The following FAM107B variants were observed in gnomAD, a reference collection of about 807,000 sequenced individuals.
FAM107B encodes the protein family with sequence similarity 107 member B.
FAM107B carries 21 observed loss-of-function variants against 31.5 expected under a neutral mutation model. The observed-to-expected ratio is 0.67, with a 90% CI of 0.47 to 0.96. FAM107B has a LOEUF of 0.96. FAM107B is among the 40% of genes least tolerant of loss of function. The pLI is 0.00. For synonymous variants in FAM107B, 157 were observed against 141.5 expected, an observed-to-expected ratio of 1.11 and a Z score of -0.78; for missense variants, 452 against 377.1, an observed-to-expected ratio of 1.20 and a Z score of -1.64.
At chr10:14,562,983 G>A (rs1158899896) in intron 2 of FAM107B, among the ~76,000 whole-genome samples, 1 of 152,334 alleles carries the variant, frequency 6.6e-6, no homozygotes, top group East Asian at 1.9e-4. Context: ...ACATGTGAAA[G>A]TTTAATTTAT....
chr10:14,527,083 C>G (rs1036225469), intron 3 of FAM107B, among the ~76,000 whole-genome samples: 1 of 151,676 alleles, frequency 6.6e-6, no homozygotes, highest in African/African-American at 2.4e-5. Context: ...GTGATCCACC[C>G]GCCTCGGCCT....
intron 1 of FAM107B, among the ~76,000 whole-genome samples, chr10:14,699,247 T>C (rs1456224126): frequency 6.6e-6 from 1 of 152,150 alleles, no homozygotes; most frequent in Non-Finnish European, 1.5e-5. Flanking sequence ...GAGATATAGA[T>C]ATTTTGATGG....
chr10:14,694,584 T>C (rs1007094783), intron 1 of FAM107B, among the ~76,000 whole-genome samples: 1 of 152,178 alleles, frequency 6.6e-6, no homozygotes, highest in African/African-American at 2.4e-5. Flanking sequence ...AGTTTCTCCA[T>C]GTTGGTCAGG....
At chr10:14,530,183 G>A (rs577313559) in intron 3 of FAM107B, 149 bp downstream of exon 3, 90 of 880,518 alleles carry the variant, frequency 1.0e-4, no homozygotes, top group Non-Finnish European at 1.4e-4. Flanking sequence ...GGGGTAACCC[G>A]GTTCTAGGAT....
At chr10:14,592,818 G>A (rs1852064425) in intron 2 of FAM107B, among the ~76,000 whole-genome samples, 2 of 152,188 alleles carry the variant, frequency 1.3e-5, no homozygotes, top group African/African-American at 2.4e-5. Flanking sequence ...GACATGCACC[G>A]TCCAGCCAGG....
chr10:14,627,815 A>G (rs529752381), intron 2 of FAM107B, among the ~76,000 whole-genome samples: 29 of 152,260 alleles, frequency 1.9e-4, no homozygotes, highest in African/African-American at 7.0e-4. Flanking sequence ...AGCATTTAAC[A>G]GATTGGTTGA....
At chr10:14,678,349 C>G (rs1465621138) in intron 1 of FAM107B, among the ~76,000 whole-genome samples, 2 of 152,154 alleles carry the variant, frequency 1.3e-5, no homozygotes, top group African/African-American at 4.8e-5. Flanking sequence ...CCATTGAACA[C>G]TAAGAAGAGG....
chr10:14,754,621 A>G lies in FAM107B; in HGVS notation c.411+19632T>C, dbSNP rs1832893059. ...TTCTAAAGGGAGCTGACATCGTGAA[A>G]AGCAGAGGCCACGTGGAAGGAGCTG... On this transcript the variant is annotated intron_variant, in intron 1 of 4. Coordinates refer to ENST00000181796, the MANE Select transcript of FAM107B (RefSeq NM_031453.4). 3.3e-5 allele frequency among the ~76,000 whole-genome samples: 5 copies of G among 152,286 alleles called. No homozygotes were observed. The South Asian group carries it at 1.0e-3, about 32-fold the overall frequency.
intron 2 of FAM107B, among the ~76,000 whole-genome samples, chr10:14,579,820 G>A (rs56014805): frequency 0.16 from 24,070 of 151,792 alleles, 2,322 homozygotes; most frequent in Middle Eastern, 0.28. Flanking sequence ...TCAGGAGTTC[G>A]AGACCAGCCT....
At chr10:14,686,398 A>C (rs1278935229) in intron 1 of FAM107B, among the ~76,000 whole-genome samples, 1 of 151,926 alleles carries the variant, frequency 6.6e-6, no homozygotes, top group Admixed American at 6.6e-5. Flanking sequence ...GTCTCAAAAA[A>C]AAAAAAAAAA....
intron 2 of FAM107B, among the ~76,000 whole-genome samples, chr10:14,537,365 C>A (rs1847727373): frequency 6.6e-6 from 1 of 152,190 alleles, no homozygotes; most frequent in South Asian, 2.1e-4. Context: ...TCATGACTTC[C>A]CAGTCTCCAA....
chr10:14,603,637 A>G (rs1852477480), intron 2 of FAM107B, among the ~76,000 whole-genome samples: 1 of 152,174 alleles, frequency 6.6e-6, no homozygotes, highest in African/African-American at 2.4e-5. Context: ...CGGAACCCAA[A>G]TTGAATTAGG....
chr10:14,621,766 G>A (rs895898148), intron 2 of FAM107B, among the ~76,000 whole-genome samples: 1 of 152,038 alleles, frequency 6.6e-6, no homozygotes, highest in Non-Finnish European at 1.5e-5. Flanking sequence ...GCCGATGTGG[G>A]GTGGCACCAG....
At chr10:14,594,180 TA>T (rs1852106387) in intron 2 of FAM107B, among the ~76,000 whole-genome samples, 1 of 152,134 alleles carries the variant, frequency 6.6e-6, no homozygotes. Context: ...CTCCATACGG[TA>T]ATGCCAAAAT....
chr10:14,543,564 ACTGTGTC>A (rs1246942497), intron 2 of FAM107B, among the ~76,000 whole-genome samples: 1 of 152,050 alleles, frequency 6.6e-6, no homozygotes, highest in East Asian at 1.9e-4. Flanking sequence ...TCTCAGCTGC[ACTGTGTC>A]CTTCCTGTTT....
intron 2 of FAM107B, among the ~76,000 whole-genome samples, chr10:14,562,275 GT>G (rs773632872): frequency 4.2e-4 from 64 of 152,306 alleles, no homozygotes; most frequent in Non-Finnish European, 7.5e-4. Context: ...CAATTAAGTA[GT>G]TTTCCATCAC....
intron 3 of FAM107B, among the ~76,000 whole-genome samples, chr10:14,524,571 C>T (rs997907575): frequency 2.6e-5 from 4 of 152,060 alleles, no homozygotes; most frequent in Non-Finnish European, 2.9e-5. Context: ...TTAATCAGCA[C>T]AATATAAGTT....
chr10:14,738,520 C>A (rs183208484), intron 1 of FAM107B, among the ~76,000 whole-genome samples: 1 of 152,156 alleles, frequency 6.6e-6, no homozygotes, highest in Non-Finnish European at 1.5e-5. Context: ...CTCTCAGGAC[C>A]CTTTCAACTC....
intron 3 of FAM107B, chr10:14,522,352 G>T (rs112938041): frequency 9.8e-4 from 203 of 207,144 alleles, no homozygotes; most frequent in African/African-American, 4.3e-3. Context: ...GACAGAGACG[G>T]AGATGGTCAG....
Sources: gnomAD v4.1 joint callset for allele counts (sites outside exome capture counted in the v4.1 genomes callset) on GRCh38, gnomAD v4.1.1 for gene constraint, MANE v1.5 for transcripts, NCBI Gene and HGNC (gene_info 2026-07-23, HGNC 2026-07-21) for gene names.